ARMH3: variants seen among roughly 807,000 people sequenced by gnomAD.
The protein encoded by ARMH3 is armadillo like helical domain containing 3, also known as armadillo-like helical domain-containing protein 3.
A neutral mutation model predicts 99.1 loss-of-function variants in ARMH3; 60 were observed. The ratio of observed to expected loss-of-function variants is 0.61; its 90% CI spans 0.49 to 0.75. ARMH3 has a LOEUF of 0.75. Ranked by LOEUF, ARMH3 falls within the 30% of genes least tolerant of loss-of-function variation. ARMH3 has a pLI of 0.00. For synonymous variants in ARMH3, 285 were observed against 292.8 expected (o/e 0.97, Z 0.27); for missense variants, 679 against 843.1 (o/e 0.81, Z 2.41).
At chr10:101,966,299 T>G (rs1033648704) in intron 20 of ARMH3, among the ~76,000 whole-genome samples, 14 of 135,650 alleles carry the variant, frequency 1.0e-4, no homozygotes, top group East Asian at 2.0e-4. Flanking sequence ...TTTTTTTTTT[T>G]TTTTTTTTTT....
chr10:101,953,225 G>C (rs1417732718), intron 22 of ARMH3, among the ~76,000 whole-genome samples: 4 of 152,138 alleles, frequency 2.6e-5, no homozygotes, highest in Non-Finnish European at 4.4e-5. Context: ...AGCCTCCTGG[G>C]CTCCAGTGAT....
intron 14 of ARMH3, among the ~76,000 whole-genome samples, chr10:102,002,450 T>G (rs1386459830): frequency 6.6e-6 from 1 of 152,012 alleles, no homozygotes; most frequent in East Asian, 1.9e-4. Context: ...TGAATATAAA[T>G]GAGTTTTACT....
chr10:101,872,354 G>C (rs984196193), intron 24 of ARMH3, among the ~76,000 whole-genome samples: 2 of 151,936 alleles, frequency 1.3e-5, no homozygotes, highest in Non-Finnish European at 2.9e-5. Context: ...TTTAAAAATA[G>C]GTAAATGATC....
intron 24 of ARMH3, among the ~76,000 whole-genome samples, chr10:101,854,660 G>T (rs538554205): frequency 6.6e-6 from 1 of 152,270 alleles, no homozygotes; most frequent in African/African-American, 2.4e-5. Flanking sequence ...TGGAGGTAAG[G>T]GGCCTGAGAG....
In ARMH3 at chr10:102,009,458, A is replaced by G; in HGVS notation, c.879-9T>C. On this transcript the variant is annotated splice_polypyrimidine_tract_variant and intron_variant, in intron 12 of 25. Transcript: ENST00000370033. ...GAATGGCCTCATTGGTTCTAAAGAA[A>G]AAGAGAACAAATTGGAGCAGTTTTT... The G allele has an allele frequency of 6.2e-7, 1 of 1,611,686 alleles. No individual in the cohort carries two copies. Among genetic ancestry groups the G allele is most frequent in the Admixed American group, 1.7e-5 (1 of 59,988 alleles).
At chr10:101,940,169 C>G (rs1476371134) in intron 22 of ARMH3, among the ~76,000 whole-genome samples, 2 of 152,224 alleles carry the variant, frequency 1.3e-5, no homozygotes, top group Non-Finnish European at 2.9e-5. Context: ...TATCAAAATA[C>G]TCTACTCCTT....
At chr10:101,854,608 G>T (rs1335409417) in intron 24 of ARMH3, among the ~76,000 whole-genome samples, 1 of 152,096 alleles carries the variant, frequency 6.6e-6, no homozygotes, top group South Asian at 2.1e-4. Flanking sequence ...AAACAAAGTG[G>T]GCAATGTTTG....
intron 8 of ARMH3, among the ~76,000 whole-genome samples, chr10:102,016,518 G>C (rs1417695057): frequency 1.3e-5 from 2 of 152,104 alleles, no homozygotes; most frequent in African/African-American, 2.4e-5. Context: ...AAGCTCTTTA[G>C]GAAAAAGGCA....
At chr10:102,036,648 G>C (rs1266829126) in intron 2 of ARMH3, among the ~76,000 whole-genome samples, 1 of 152,040 alleles carries the variant, frequency 6.6e-6, no homozygotes, top group Non-Finnish European at 1.5e-5. Flanking sequence ...TGCAAGATGT[G>C]CTTTGTTAAA....
chr10:102,008,557 TTTTA>T (rs2066557206), intron 13 of ARMH3, among the ~76,000 whole-genome samples: 1 of 148,954 alleles, frequency 6.7e-6, no homozygotes, highest in Admixed American at 6.6e-5. Flanking sequence ...TTTGTTTTTA[TTTTA>T]TTTTTTTTTG....
intron 20 of ARMH3, among the ~76,000 whole-genome samples, chr10:101,963,063 G>A (rs1007224426): frequency 2.7e-5 from 4 of 149,426 alleles, no homozygotes; most frequent in Non-Finnish European, 3.0e-5. Flanking sequence ...TCCACCTCCC[G>A]GGTTCAAGAG....
At chr10:101,960,113 G>A (rs1263083589) in intron 20 of ARMH3, among the ~76,000 whole-genome samples, 3 of 152,052 alleles carry the variant, frequency 2.0e-5, no homozygotes, top group Non-Finnish European at 2.9e-5. Context: ...GGGAGGCGGA[G>A]GCTGCAGTGA....
intron 2 of ARMH3, among the ~76,000 whole-genome samples, chr10:102,039,115 C>A (rs1210759904): frequency 6.6e-6 from 1 of 151,812 alleles, no homozygotes; most frequent in Non-Finnish European, 1.5e-5. Flanking sequence ...GCAAGTACCC[C>A]TGCAGCATAT....
At chr10:101,930,790 T>TA (rs1843691770) in intron 23 of ARMH3, among the ~76,000 whole-genome samples, 1 of 152,206 alleles carries the variant, frequency 6.6e-6, no homozygotes, top group African/African-American at 2.4e-5. Context: ...AAGGGGCTGA[T>TA]AAGATTCCCA....
At chr10:102,036,498 G>A (rs2067276012) in intron 2 of ARMH3, among the ~76,000 whole-genome samples, 1 of 152,182 alleles carries the variant, frequency 6.6e-6, no homozygotes, top group Non-Finnish European at 1.5e-5. Context: ...GAAAGTAGAA[G>A]ACATGGGAGA....
intron 8 of ARMH3, among the ~76,000 whole-genome samples, chr10:102,021,377 G>A (rs1314444555): frequency 6.6e-6 from 1 of 151,128 alleles, no homozygotes; most frequent in Non-Finnish European, 1.5e-5. Context: ...ACCGTCCCCA[G>A]CCTTAGATTT....
chr10:101,966,468 G>A (rs1845549615), intron 20 of ARMH3, among the ~76,000 whole-genome samples: 1 of 151,654 alleles, frequency 6.6e-6, no homozygotes, highest in Non-Finnish European at 1.5e-5. Flanking sequence ...GTAGAGACAG[G>A]GCTCCACCAG....
At chr10:101,957,227 C>T (rs1845081640) in intron 21 of ARMH3, among the ~76,000 whole-genome samples, 1 of 152,156 alleles carries the variant, frequency 6.6e-6, no homozygotes, top group South Asian at 2.1e-4. Context: ...AGTCAAAATG[C>T]ACAATGGCCT....
chr10:101,898,294 T>A (rs1265936672), intron 23 of ARMH3, among the ~76,000 whole-genome samples: 1 of 151,438 alleles, frequency 6.6e-6, no homozygotes, highest in East Asian at 1.9e-4. Flanking sequence ...ATGTCAAGGC[T>A]GCAGGGAACC....
Sources: allele counts gnomAD v4.1 joint callset (sites outside exome capture counted in the v4.1 genomes callset), GRCh38; gene constraint gnomAD v4.1.1; transcripts MANE v1.5; gene names NCBI Gene and HGNC (gene_info 2026-07-23, HGNC 2026-07-21).